The following ACADVL variants were observed in gnomAD, a reference collection of about 807,000 sequenced individuals.
ACADVL encodes very long-chain acyl-CoA dehydrogenase, mitochondrial.
ACADVL carries 73 observed loss-of-function variants against 80.4 expected under a neutral mutation model. That is an observed-to-expected ratio of 0.91 (90% CI 0.75 to 1.10). ACADVL has a LOEUF of 1.10. Ranked by LOEUF, ACADVL falls within the 50% of genes least tolerant of loss-of-function variation. ACADVL has a pLI of 0.00. For synonymous variants in ACADVL, 392 were observed against 326.5 expected (o/e 1.20, Z -2.16); for missense variants, 878 against 858.9 (o/e 1.02, Z -0.28).
upstream of ACADVL, chr17:7,219,761 G>T: frequency 6.8e-7 from 1 of 1,473,518 alleles, no homozygotes; most frequent in Non-Finnish European, 9.0e-7. Context: ...CGGGATTAAG[G>T]AGTTTGGGGG....
rs1597525633 is a variant in ACADVL, at chr17:7,221,674, T to C, written c.614T>C (p.Leu205Pro). ...KAQKEKYLPK[L>P]ASGETVAAFC... ...CAGAAAGAAAAATACCTCCCCAAGC[T>C]GGCATCTGGTGAGGCAACCCTAGGA... is the stretch of plus-strand genomic sequence containing the variant. Residue 205 changes from leucine (L) to proline (P), a missense_variant, in exon 7 of 20, where the codon CTG becomes CCG. Leu to Pro is a moderately conservative substitution (Grantham distance 98, BLOSUM62 -3). Coordinates refer to ENST00000356839, the MANE Select transcript of ACADVL (RefSeq NM_000018.4). 1 of 1,613,818 alleles carries C rather than the reference T, an allele frequency of 6.2e-7. No individual in the cohort carries two copies. The highest frequency in any genetic ancestry group is 1.7e-4 in the Middle Eastern group (1 of 6,060).
chr17:7,218,295 A>G (rs778218544), upstream of ACADVL: 4 of 1,606,704 alleles, frequency 2.5e-6, no homozygotes, highest in South Asian at 1.1e-5. Flanking sequence ...TCACAGGAAC[A>G]GAACTGAGTT....
rs727503792 is a variant in ACADVL at position 7,222,780 on chromosome 17, A to C, written c.992A>C (p.Lys331Thr). The C allele has an allele frequency of 4.3e-6, 7 of 1,613,934 alleles. No homozygotes were observed. Among genetic ancestry groups the C allele is most frequent in the African/African-American group, 2.7e-5 (2 of 74,892 alleles). Residue 331 changes from lysine to threonine, a missense_variant, in exon 10 of 20, where the codon AAG becomes ACG. By Grantham distance (78) the Lys-to-Thr change is moderately conservative. Transcript: ENST00000356839. ...CTGGGTGAGGTTGGGAGTGGCTTCA[A>C]GGTTGCCATGCACATCCTCAACAAT... The part of the protein sequence containing the change: ...NVLGEVGSGF[K>T]VAMHILNNGR...
intron 6 of ACADVL, 86 bp from the exon 7 acceptor site, chr17:7,221,451 AG>A: frequency 1.2e-6 from 1 of 829,834 alleles, no homozygotes; most frequent in Admixed American, 2.4e-5. Flanking sequence ...GCCCTAGGTC[AG>A]GAACTGCCCT....
At position 7,220,511 on chromosome 17, in the gene ACADVL, G is replaced by GA. The variant is rs771055189; in HGVS notation, c.192dup (p.Pro65ThrfsTer7). 6.2e-7 allele frequency: 1 copy of GA among 1,614,214 alleles called. No homozygotes were observed. The highest frequency in any genetic ancestry group is 8.5e-7 in the Non-Finnish European group (1 of 1,180,040). ...CCCACCCCTCTGACGCTCTGACCAG[G>GA]AAAAAACCGGCCAAGGCGGTAGGTA... On this transcript the variant is annotated frameshift_variant, in exon 3 of 20. Transcript: ENST00000356839. LOFTEE classifies it high-confidence loss of function.
At chr17:7,221,820 G>A in intron 7 of ACADVL, 132 bp from the exon 8 acceptor site, 11 of 1,587,334 alleles carry the variant, frequency 6.9e-6, no homozygotes, top group Non-Finnish European at 6.9e-6. Context: ...CAGTGTGCTG[G>A]TTGGGACATG....
At chr17:7,218,762 A>T (rs1370186715), upstream of ACADVL, 1 of 1,595,244 alleles carries the variant, frequency 6.3e-7, no homozygotes, top group Non-Finnish European at 8.6e-7. Context: ...TTTGGGGAGA[A>T]GGATCTCCGA....
At chr17:7,223,927 C>T (rs1453797137) in intron 13 of ACADVL, 41 bp from the exon 14 acceptor site, 2 of 1,613,700 alleles carry the variant, frequency 1.2e-6, no homozygotes, top group Non-Finnish European at 1.7e-6. Flanking sequence ...TGGGTAGGCA[C>T]ATCTCAGCAC....
rs1057520088 is a variant in ACADVL, at chr17:7,220,945, A to G, written c.364A>G (p.Asn122Asp). ...FFEEVNDPAK[N>D]DALEMVEETT... ...CCAGGAAGTGAACGATCCCGCCAAG[A>G]ATGACGCTCTGGAGATGGTGGAGGA... is the stretch of plus-strand genomic sequence containing the variant. Residue 122 changes from asparagine (N) to aspartate (D), a missense_variant, in exon 6 of 20, where the codon AAT becomes GAT. Asn to Asp is a conservative substitution (Grantham distance 23, BLOSUM62 1). Transcript: ENST00000356839. The G allele has an allele frequency of 1.2e-6, 2 of 1,613,940 alleles. No individual in the cohort carries two copies. Among genetic ancestry groups the G allele is most frequent in the Non-Finnish European group, 1.7e-6 (2 of 1,180,028 alleles).
chr17:7,219,087 T>C, upstream of ACADVL: 1 of 589,146 alleles, frequency 1.7e-6, no homozygotes, highest in East Asian at 2.9e-5. Flanking sequence ...AAAGAGGGCC[T>C]CCTCACAGAG....
At chr17:7,217,250 T>C (rs995270272), upstream of ACADVL, 5 of 1,246,744 alleles carry the variant, frequency 4.0e-6, no homozygotes, top group Non-Finnish European at 5.1e-6. Flanking sequence ...CGCACCCCAC[T>C]TTTGCAGGGG....
chr17:7,220,726 G>C, intron 4 of ACADVL, 40 bp from the exon 5 acceptor site: 2 of 1,614,114 alleles, frequency 1.2e-6, no homozygotes, highest in Non-Finnish European at 1.7e-6. Context: ...GGTTTCCCCT[G>C]CCAGCCTGGC....
At chr17:7,223,068 C>T in intron 10 of ACADVL, 65 bp from the exon 11 acceptor site, 1 of 1,529,506 alleles carries the variant, frequency 6.5e-7, no homozygotes, top group Non-Finnish European at 9.1e-7. Flanking sequence ...GCAAGCCCAG[C>T]CCCTCTCCTA....
intron 6 of ACADVL, 178 bp downstream of exon 6, chr17:7,221,236 C>A: frequency 8.7e-7 from 1 of 1,148,488 alleles, no homozygotes; most frequent in Non-Finnish European, 1.2e-6. Flanking sequence ...TCCCCTAGGC[C>A]TGAGCCATGG....
intron 9 of ACADVL, 53 bp downstream of exon 9, chr17:7,222,355 C>T (rs1354644967): frequency 1.9e-6 from 3 of 1,598,944 alleles, no homozygotes; most frequent in Non-Finnish European, 2.6e-6. Flanking sequence ...GACTGGGCTC[C>T]TGGGCAGATG....
At chr17:7,217,789 G>A, upstream of ACADVL, 1 of 1,535,368 alleles carries the variant, frequency 6.5e-7, no homozygotes, top group East Asian at 2.4e-5. Context: ...GACCTGGCCA[G>A]CCACCAGCGA....
rs1290302259 is a variant in ACADVL at position 7,222,450 on chromosome 17, T to G, written c.878+148T>G. 14 of 1,321,334 alleles carry G rather than the reference T, an allele frequency of 1.1e-5. No individual in the cohort carries two copies. In the East Asian group the frequency reaches 3.0e-4, roughly 28 times the overall value. 81.9% of individuals were successfully genotyped at this position (1,321,334 alleles called of 1,614,324 possible). ...CCTTTGGGACTAATATGTATGCAACTGAGCTAAAGTTTTGGCTCCAGCAAC... is the reference window on the plus strand; with the variant it reads ...CCTTTGGGACTAATATGTATGCAACGGAGCTAAAGTTTTGGCTCCAGCAAC... On this transcript the variant is annotated intron_variant, in intron 9 of 19. Transcript: ENST00000356839.
In ACADVL at chr17:7,224,939, C is replaced by G. The variant is rs1051344486; in HGVS notation, c.1828-18C>G. 3.1e-6 allele frequency: 5 copies of G among 1,613,898 alleles called. No individual in the cohort carries two copies. The African/African-American group carries it at 6.7e-5, about 22-fold the overall frequency. ...AGGGCTGGAGGTGCAGGCCCAACCC[C>G]TCCTTCCCTCTCCCCAGGCTGCAGC... On this transcript the variant is annotated intron_variant, in intron 19 of 19. Coordinates refer to ENST00000356839, the MANE Select transcript of ACADVL (RefSeq NM_000018.4).
At chr17:7,219,786 T>C, upstream of ACADVL, 1 of 1,502,076 alleles carries the variant, frequency 6.7e-7, no homozygotes, top group Non-Finnish European at 8.9e-7. Flanking sequence ...GAGGGACGCT[T>C]GGAGATCCCT....
Sources: gnomAD v4.1 joint callset for allele counts on GRCh38, gnomAD v4.1.1 for gene constraint, MANE v1.5 for transcripts, NCBI Gene and HGNC (gene_info 2026-07-23, HGNC 2026-07-21) for gene names.